MTHFD1L: variants seen among roughly 807,000 people sequenced by gnomAD.
MTHFD1L encodes the protein methylenetetrahydrofolate dehydrogenase (NADP+ dependent) 1 like.
MTHFD1L carries 81 observed loss-of-function variants against 119.5 expected under a neutral mutation model. The ratio of observed to expected loss-of-function variants is 0.68; its 90% CI spans 0.57 to 0.82. The LOEUF is 0.82. Among genes scored for constraint, MTHFD1L ranks in the 40% least tolerant of loss-of-function variants. MTHFD1L has a pLI of 0.00. For synonymous variants in MTHFD1L, 430 were observed against 475.2 expected (o/e 0.90, Z 1.24); for missense variants, 1,125 against 1,253.4 (o/e 0.90, Z 1.55).
intron 20 of MTHFD1L, among the ~76,000 whole-genome samples, chr6:150,992,901 TA>T (rs1478629255): frequency 2.6e-5 from 4 of 152,242 alleles, no homozygotes; most frequent in Admixed American, 2.0e-4. Context: ...GTTTCCCATG[TA>T]GGCTGCTTTC....
chr6:151,084,761 C>A (rs1387867434), intron 26 of MTHFD1L, among the ~76,000 whole-genome samples: 2 of 151,238 alleles, frequency 1.3e-5, no homozygotes. Flanking sequence ...GTCAGGAGAT[C>A]GAGACCATCC....
At chr6:150,903,203 A>ATTTTTTTTTTTTTT (rs774695918) in intron 7 of MTHFD1L, among the ~76,000 whole-genome samples, 56 of 85,444 alleles carry the variant, frequency 6.6e-4, no homozygotes, top group African/African-American at 2.6e-3. Flanking sequence ...TGGCTGCAAA[A>ATTTTTTTTTTTTTT]TTTTTTTTTT....
intron 11 of MTHFD1L, among the ~76,000 whole-genome samples, 196 bp from the exon 12 acceptor site, chr6:150,936,608 A>G (rs965854961): frequency 3.9e-5 from 6 of 152,128 alleles, no homozygotes; most frequent in African/African-American, 1.4e-4. Flanking sequence ...GTTTCTTGGT[A>G]AAGGTGTGTC....
At chr6:151,059,771 A>G (rs1250396656) in intron 26 of MTHFD1L, among the ~76,000 whole-genome samples, 1 of 152,190 alleles carries the variant, frequency 6.6e-6, no homozygotes, top group Non-Finnish European at 1.5e-5. Flanking sequence ...TGCTCTCTGC[A>G]CGGTGGGTCT....
chr6:150,880,496 C>A (rs1310696364), intron 4 of MTHFD1L, among the ~76,000 whole-genome samples: 2 of 152,176 alleles, frequency 1.3e-5, no homozygotes, highest in African/African-American at 4.8e-5. Context: ...CTTTCTTTAT[C>A]CTCCATTAAT....
chr6:151,045,643 T>G (rs902221519), intron 26 of MTHFD1L, among the ~76,000 whole-genome samples: 1 of 152,188 alleles, frequency 6.6e-6, no homozygotes, highest in African/African-American at 2.4e-5. Context: ...GGCCTCACTT[T>G]GTTTGTGTCC....
intron 12 of MTHFD1L, among the ~76,000 whole-genome samples, chr6:150,938,367 A>G (rs958058510): frequency 6.6e-6 from 1 of 152,236 alleles, no homozygotes. Flanking sequence ...AATCATATAC[A>G]ATTGATTTAG....
chr6:150,892,676 A>G (rs1233097933), intron 7 of MTHFD1L, among the ~76,000 whole-genome samples: 1 of 152,096 alleles, frequency 6.6e-6, no homozygotes, highest in Non-Finnish European at 1.5e-5. Flanking sequence ...TCCCACCACA[A>G]ATGACAGCCT....
chr6:151,006,649 T>C (rs1233076455), intron 20 of MTHFD1L, among the ~76,000 whole-genome samples: 1 of 152,136 alleles, frequency 6.6e-6, no homozygotes, highest in African/African-American at 2.4e-5. Flanking sequence ...AATATATTTG[T>C]GTCCAAGTGT....
chr6:150,910,555 CAA>C (rs60500917), intron 8 of MTHFD1L, among the ~76,000 whole-genome samples: 32 of 83,366 alleles, frequency 3.8e-4, no homozygotes, highest in African/African-American at 2.3e-4. Context: ...AACTCCATCT[CAA>C]AAAAAAAAAA....
chr6:150,924,124 C>T (rs973414343), intron 10 of MTHFD1L, among the ~76,000 whole-genome samples: 1 of 152,196 alleles, frequency 6.6e-6, no homozygotes, highest in Admixed American at 6.5e-5. Flanking sequence ...TCTAGACCCA[C>T]TGGGCAAAGA....
chr6:150,962,552 A>T (rs1796594481), intron 18 of MTHFD1L, among the ~76,000 whole-genome samples: 1 of 152,214 alleles, frequency 6.6e-6, no homozygotes, highest in African/African-American at 2.4e-5. Context: ...CACATGCATG[A>T]TTCTGATATA....
At chr6:151,006,379 G>C (rs1452591253) in intron 20 of MTHFD1L, among the ~76,000 whole-genome samples, 1 of 152,140 alleles carries the variant, frequency 6.6e-6, no homozygotes, top group Admixed American at 6.5e-5. Context: ...TATGTGGGCT[G>C]TGCCGGAAGC....
chr6:151,019,307 T>A (rs975626791), intron 24 of MTHFD1L, among the ~76,000 whole-genome samples: 2 of 150,936 alleles, frequency 1.3e-5, no homozygotes, highest in Non-Finnish European at 3.0e-5. Flanking sequence ...CATGAATGAT[T>A]TCACAAAGTG....
At chr6:150,960,719 G>A (rs1453914139) in intron 18 of MTHFD1L, among the ~76,000 whole-genome samples, 1 of 152,146 alleles carries the variant, frequency 6.6e-6, no homozygotes, top group African/African-American at 2.4e-5. Context: ...TCACCCCCCT[G>A]CAGTCACTTG....
chr6:151,037,771 A>T (rs1786407193), intron 26 of MTHFD1L, among the ~76,000 whole-genome samples: 1 of 152,242 alleles, frequency 6.6e-6, no homozygotes, highest in African/African-American at 2.4e-5. Context: ...GTACAGCTAC[A>T]CAGTGATAGC....
intron 1 of MTHFD1L, chr6:150,866,297 T>A (rs1217359718): frequency 1.6e-5 from 23 of 1,473,802 alleles, no homozygotes; most frequent in East Asian, 2.9e-5. Flanking sequence ...GCATCTCCAA[T>A]GGGCGCCTAG....
intron 26 of MTHFD1L, among the ~76,000 whole-genome samples, chr6:151,084,255 G>T (rs7742684): frequency 6.6e-6 from 1 of 152,206 alleles, no homozygotes; most frequent in South Asian, 2.1e-4. Context: ...TGGATCACAC[G>T]AGATGTGGAT....
At chr6:151,003,258 G>A (rs757367305) in intron 20 of MTHFD1L, among the ~76,000 whole-genome samples, 6 of 152,144 alleles carry the variant, frequency 3.9e-5, no homozygotes, top group Non-Finnish European at 7.4e-5. Context: ...TTGGCCGGGC[G>A]CCGTGGCTCA....
Sources: gnomAD v4.1 joint callset for allele counts (sites outside exome capture counted in the v4.1 genomes callset) on GRCh38, gnomAD v4.1.1 for gene constraint, MANE v1.5 for transcripts, NCBI Gene and HGNC (gene_info 2026-07-23, HGNC 2026-07-21) for gene names.